Variants in PPFIA4 observed in about 807,000 individuals in gnomAD.
PPFIA4 encodes the protein liprin-alpha-4.
In PPFIA4, 98 loss-of-function variants were observed where a neutral mutation model predicts 145.7. The ratio of observed to expected loss-of-function variants is 0.67; its 90% CI spans 0.57 to 0.80. PPFIA4 has a LOEUF of 0.80. Among genes scored for constraint, PPFIA4 ranks in the 30% least tolerant of loss-of-function variants. The probability of loss-of-function intolerance (pLI) is 0.00; values close to 1 mark genes in which losing one functional copy is unlikely to be tolerated. For synonymous variants in PPFIA4, 628 were observed against 649.6 expected, an observed-to-expected ratio of 0.97 and a Z score of 0.51; for missense variants, 1,457 against 1,632.7, an observed-to-expected ratio of 0.89 and a Z score of 1.85.
rs1660949702 is a variant in PPFIA4 at position 203,056,382 on chromosome 1, T to C, written c.2114T>C (p.Val705Ala). 2.5e-6 allele frequency: 4 copies of C among 1,613,922 alleles called. No homozygotes were observed. The highest frequency in any genetic ancestry group is 3.4e-6 in the Non-Finnish European group (4 of 1,179,806). Residue 705 changes from valine (V) to alanine (A), a missense_variant, in exon 18 of 30, where the codon GTG becomes GCG. This residue lies in a region of PPFIA4 where 848 missense variants were observed against 1,046.7 expected (regional missense o/e 0.81). Coordinates refer to ENST00000295706, the MANE Select transcript of PPFIA4 (RefSeq NM_001304331.2). Reference sequence around the variant, plus strand: ...GCTCCACTGTCTGTTCAGTCGCCAGTGTCTCGGGAAGAGAACCGAGAGGAT... The same window carrying C: ...GCTCCACTGTCTGTTCAGTCGCCAGCGTCTCGGGAAGAGAACCGAGAGGAT... ...RKHRRKLLSP[V>A]SREENREDKA...
At chr1:203,062,415 G>A (rs1453536786) in intron 24 of PPFIA4, among the ~76,000 whole-genome samples, 3 of 137,662 alleles carry the variant, frequency 2.2e-5, no homozygotes, top group African/African-American at 8.2e-5. Context: ...GGGAGGCGGA[G>A]CTTGCAGTGA....
chr1:203,031,568 A>G (rs542718058), intron 1 of PPFIA4, among the ~76,000 whole-genome samples: 7 of 152,006 alleles, frequency 4.6e-5, no homozygotes, highest in Non-Finnish European at 2.9e-5. Context: ...GACATTTTAC[A>G]CCTGGTGCCT....
Position 203,060,508 on chromosome 1 carries a change from A to AT in PPFIA4, c.2784+93dup, listed in dbSNP as rs1661287190. ...TGTTGGGCTTTGGGAAGATGGCAGC[A>AT]TTGAGCCCTGCCCCTTCCTTCCCAT... On this transcript the variant is annotated intron_variant, in intron 22 of 29. Coordinates refer to ENST00000295706, the MANE Select transcript of PPFIA4 (RefSeq NM_001304331.2). The surrounding 1 kb of genome is among the most constrained non-coding windows in gnomAD (Gnocchi z 4.8). 2 of 1,331,462 alleles carry AT rather than the reference A, an allele frequency of 1.5e-6. No individual in the cohort carries two copies. Among genetic ancestry groups the AT allele is most frequent in the Admixed American group, 3.5e-5 (2 of 57,808 alleles). 82.5% of individuals were successfully genotyped at this position (1,331,462 alleles called of 1,614,324 possible).
rs762263783 is a variant in PPFIA4 at position 203,048,197 on chromosome 1, C to T, written c.1141-30C>T. 4.4e-5 allele frequency: 70 copies of T among 1,604,488 alleles called. 1 individual carries two copies. In the Middle Eastern group the frequency reaches 4.9e-4, roughly 11 times the overall value. On this transcript the variant is annotated intron_variant, in intron 9 of 29. Coordinates refer to ENST00000295706, the MANE Select transcript of PPFIA4 (RefSeq NM_001304331.2). The surrounding 1 kb of genome is among the most constrained non-coding windows in gnomAD (Gnocchi z 5.8). Reference sequence around the variant, plus strand: ...CCTGAGCAGGAAGAACAGAGATCTGCGGGCTGCACCGACCCATCCCTGCCC... The same window carrying T: ...CCTGAGCAGGAAGAACAGAGATCTGTGGGCTGCACCGACCCATCCCTGCCC...
rs1253632094 is a variant in PPFIA4 at position 203,053,785 on chromosome 1, G to C, written c.1653G>C (p.Leu551=). 1.9e-6 allele frequency: 3 copies of C among 1,551,772 alleles called. No homozygotes were observed. Among genetic ancestry groups the C allele is most frequent in the Non-Finnish European group, 8.7e-7 (1 of 1,147,450 alleles). ...DWETSPLPGM[L]APAAGPAFDS... ...AGACTTCTCCACTGCCTGGGATGCT[G>C]GCCCCGGCAGCTGGCCCTGCCTTTG... Residue 551 remains leucine (L), a synonymous_variant, in exon 15 of 30, where the codon CTG becomes CTC. Transcript: ENST00000295706.
chr1:203,053,849 C>A lies in PPFIA4; in HGVS notation c.1717C>A (p.Pro573Thr). Residue 573 changes from proline (P) to threonine (T), a missense_variant, in exon 15 of 30, where the codon CCA becomes ACA. Transcript: ENST00000295706. ...PEISDVDEDE[P>T]GGLVGSADVV... Reference sequence around the variant, plus strand: ...GATCTCCGACGTGGATGAGGATGAGCCAGGGGGTCTGGTGGGCTCTGCGGA... The same window carrying A: ...GATCTCCGACGTGGATGAGGATGAGACAGGGGGTCTGGTGGGCTCTGCGGA... 6.4e-7 allele frequency: 1 copy of A among 1,555,262 alleles called. No homozygotes were observed. The highest frequency in any genetic ancestry group is 8.7e-7 in the Non-Finnish European group (1 of 1,148,944).
In PPFIA4 at chr1:203,048,607, G is replaced by A. The variant is rs1313471180; in HGVS notation, c.1249G>A (p.Glu417Lys). The A allele has an allele frequency of 6.3e-7, 1 of 1,594,458 alleles. No homozygotes were observed. The highest frequency in any genetic ancestry group is 8.5e-7 in the Non-Finnish European group (1 of 1,171,410). Residue 417 changes from glutamate (E) to lysine (K), a missense_variant, in exon 11 of 30, where the codon GAG becomes AAG. Glu to Lys is a moderately conservative substitution (Grantham distance 56). Transcript: ENST00000295706. This position sits in a 1 kb window ranked among gnomAD's most constrained non-coding sequence, Gnocchi z 5.8. ...ARVRQREKMNEDHNKRLSDTV... is the reference protein window; with the variant it reads ...ARVRQREKMNKDHNKRLSDTV... ...GGTGCGCCAGCGGGAAAAGATGAAT[G>A]AGGACCACAACAAGCGGCTGTCGGA...
intron 25 of PPFIA4, among the ~76,000 whole-genome samples, chr1:203,064,765 G>A (rs1661617142): frequency 6.6e-6 from 1 of 152,252 alleles, no homozygotes; most frequent in African/African-American, 2.4e-5. Flanking sequence ...GAAGAGTGGA[G>A]TCCACTCAGG....
chr1:203,064,114 A>C lies in PPFIA4; in HGVS notation c.3050+111A>C, dbSNP rs149220095. ...CCATCTCTTTCCGTGGTCTGTTCTGAGTGGCAACAGGTCTCCCCCTTGGGA... is the reference window on the plus strand; with the variant it reads ...CCATCTCTTTCCGTGGTCTGTTCTGCGTGGCAACAGGTCTCCCCCTTGGGA... On this transcript the variant is annotated intron_variant, in intron 25 of 29. Transcript: ENST00000295706. The C allele has an allele frequency of 3.3e-4, 387 of 1,176,902 alleles. 5 individuals carry two copies. The African/African-American group carries it at 4.5e-3, about 14-fold the overall frequency. The allele number at this position is 1,176,902 out of a possible 1,614,324, so 72.9% of individuals were successfully genotyped here.
Position 203,048,694 on chromosome 1 carries a change from A to G in PPFIA4, c.1336A>G (p.Met446Val). ...TCTGCAGCTCCACCTGAAGGAGCGC[A>G]TGGCTGCCCTGGAGGAGAAGGTGCC... Reference protein sequence around the residue: ...ERLQLHLKERMAALEEKNTLI... With the variant: ...ERLQLHLKERVAALEEKNTLI... The change falls in exon 11 of 30, where the codon ATG becomes GTG. Residue 446 changes from methionine (M) to valine (V), a missense_variant. Coordinates refer to ENST00000295706, the MANE Select transcript of PPFIA4 (RefSeq NM_001304331.2). This position sits in a 1 kb window ranked among gnomAD's most constrained non-coding sequence, Gnocchi z 5.8. 1.3e-6 allele frequency: 2 copies of G among 1,530,394 alleles called. No homozygotes were observed. The highest frequency in any genetic ancestry group is 2.6e-5 in the East Asian group (1 of 38,856). The allele number at this position is 1,530,394 out of a possible 1,614,324, so 94.8% of individuals were successfully genotyped here.
Position 203,063,473 on chromosome 1 carries a change from C to T in PPFIA4, c.2875-355C>T, listed in dbSNP as rs184119055. 66 of 229,548 alleles carry T rather than the reference C, an allele frequency of 2.9e-4. 1 individual carries two copies. The highest frequency in any genetic ancestry group is 1.4e-3 in the African/African-American group (58 of 42,366). 14.2% of individuals were successfully genotyped at this position (229,548 alleles called of 1,614,324 possible). A position where few individuals can be genotyped will look rare whatever the true frequency, so the allele number is the denominator to read the frequency against. ...CCCTGGGCTCAGCGGGCTTGAGGCT[C>T]ACTGAGAGTCAGGAAGGCACGTCTG... On this transcript the variant is annotated intron_variant, in intron 24 of 29. Transcript: ENST00000295706.
In PPFIA4 at chr1:203,043,155, A is replaced by C. The variant is rs191974955; in HGVS notation, c.235-242A>C. On this transcript the variant is annotated intron_variant, in intron 2 of 29. Coordinates refer to ENST00000295706, the MANE Select transcript of PPFIA4 (RefSeq NM_001304331.2). This position sits in a 1 kb window ranked among gnomAD's most constrained non-coding sequence, Gnocchi z 4.4. ...CTCAGTGACTTTCTCACTCTTGTGT[A>C]CAACTCTGTTCCCTTGGATTCTAAC... 1.2e-4 allele frequency among the ~76,000 whole-genome samples: 18 copies of C among 152,350 alleles called. No homozygotes were observed. The highest frequency in any genetic ancestry group is 1.2e-3 in the Admixed American group (18 of 15,300).
In PPFIA4 at chr1:203,068,518, G is replaced by A. The variant is rs201726405; in HGVS notation, c.3214G>A (p.Ala1072Thr). 24 of 1,608,630 alleles carry A rather than the reference G, an allele frequency of 1.5e-5. No homozygotes were observed. The highest frequency in any genetic ancestry group is 4.0e-5 in the African/African-American group (3 of 74,582). ...CCAGTCTATTGGGCTCCGGGACTAC[G>A]CAGGAAACCTGCATGAGAGTGGTGT... Reference protein sequence around the residue: ...WVQSIGLRDYAGNLHESGVHG... With the variant: ...WVQSIGLRDYTGNLHESGVHG... Residue 1072 changes from alanine to threonine, a missense_variant, in exon 27 of 30, where the codon GCA (alanine) becomes ACA (threonine). Ala to Thr is a moderately conservative substitution (Grantham distance 58, BLOSUM62 0). Around this residue, in one of 3 missense-constraint regions of PPFIA4, gnomAD observed 848 missense variants for 1,046.7 expected, o/e 0.81. Coordinates refer to ENST00000295706, the MANE Select transcript of PPFIA4 (RefSeq NM_001304331.2). The surrounding 1 kb of genome is among the most constrained non-coding windows in gnomAD (Gnocchi z 4.7).
chr1:203,028,029 TGAG>T (rs961853877), intron 1 of PPFIA4, among the ~76,000 whole-genome samples: 1 of 152,180 alleles, frequency 6.6e-6, no homozygotes, highest in Non-Finnish European at 1.5e-5. Context: ...TCCTGAGGCT[TGAG>T]GAGGCTTCGT....
At chr1:203,032,638 A>C (rs1314456388) in intron 1 of PPFIA4, among the ~76,000 whole-genome samples, 3 of 129,180 alleles carry the variant, frequency 2.3e-5, no homozygotes, top group African/African-American at 8.9e-5. Flanking sequence ...TTAAGAGAGG[A>C]TGTCTCACCA....
intron 26 of PPFIA4, 140 bp downstream of exon 26, chr1:203,067,932 C>A: frequency 1.4e-6 from 1 of 702,636 alleles, no homozygotes; most frequent in African/African-American, 1.8e-5. Context: ...CCTTAGGGAG[C>A]TCCCAGTCTG....
In PPFIA4 at chr1:203,071,779, A is replaced by AT; in HGVS notation, c.3393+21dup. 1 of 1,594,824 alleles carries AT rather than the reference A, an allele frequency of 6.3e-7. No homozygotes were observed. The highest frequency in any genetic ancestry group is 1.1e-5 in the South Asian group (1 of 89,658). ...GGATGACGTGAGTACCTGGCCATGA[A>AT]TTAGGAGCCTTGGGGATTTGGTCAT... On this transcript the variant is annotated intron_variant, in intron 28 of 29. Transcript: ENST00000295706.
chr1:203,030,145 C>T (rs1658713511), intron 1 of PPFIA4, among the ~76,000 whole-genome samples: 1 of 152,160 alleles, frequency 6.6e-6, no homozygotes, highest in African/African-American at 2.4e-5. Flanking sequence ...AAGCCTTCCT[C>T]ATTTGATAGT....
chr1:203,026,995 C>T (rs1425187094), intron 1 of PPFIA4, among the ~76,000 whole-genome samples: 1 of 152,228 alleles, frequency 6.6e-6, no homozygotes, highest in African/African-American at 2.4e-5. Flanking sequence ...CCTCTCGGCT[C>T]CGGGGCCAAC....
Sources: allele counts gnomAD v4.1 joint callset (sites outside exome capture counted in the v4.1 genomes callset), GRCh38; gene constraint gnomAD v4.1.1; regional missense constraint gnomAD v4.1.1; non-coding constraint Gnocchi (gnomAD v3.1); transcripts MANE v1.5; gene names NCBI Gene and HGNC (gene_info 2026-07-23, HGNC 2026-07-21).